Variants in DAB2IP observed in about 807,000 individuals in gnomAD.
DAB2IP encodes DAB2 interacting protein.
A neutral mutation model predicts 107.2 loss-of-function variants in DAB2IP; 28 were observed. The observed-to-expected ratio is 0.26, with a 90% CI of 0.19 to 0.36. The LOEUF is 0.36. Ranked by LOEUF, DAB2IP falls within the 10% of genes least tolerant of loss-of-function variation. The pLI, the probability that DAB2IP is intolerant of heterozygous loss-of-function variation, is 1.00. For missense variants in DAB2IP, 1,400 were observed against 1,644.7 expected (o/e 0.85, Z 2.57); for synonymous variants, 755 against 706.4 (o/e 1.07, Z -1.09).
chr9:121,663,266 C>T (rs141771325), intron 1 of DAB2IP, among the ~76,000 whole-genome samples: 75 of 152,296 alleles, frequency 4.9e-4, no homozygotes, highest in East Asian at 4.2e-3. Flanking sequence ...AGACTATTAA[C>T]GCGGCCAACC....
intron 6 of DAB2IP, among the ~76,000 whole-genome samples, chr9:121,761,042 A>G (rs868015677): frequency 6.6e-6 from 1 of 152,170 alleles, no homozygotes; most frequent in Non-Finnish European, 1.5e-5. Flanking sequence ...GTCCTAGTTC[A>G]GGGCCAGAGG....
At chr9:121,732,957 A>G (rs1256856108) in intron 3 of DAB2IP, among the ~76,000 whole-genome samples, 1 of 152,244 alleles carries the variant, frequency 6.6e-6, no homozygotes, top group Non-Finnish European at 1.5e-5. Context: ...CCACACAAGT[A>G]TAGATGTACT....
At chr9:121,646,807 C>T (rs1832556037), upstream of DAB2IP, among the ~76,000 whole-genome samples, 1 of 152,160 alleles carries the variant, frequency 6.6e-6, no homozygotes, top group Non-Finnish European at 1.5e-5. Flanking sequence ...CCCGTCTCTG[C>T]ATTCCGTACT....
chr9:121,755,409 C>A (rs551660954), intron 3 of DAB2IP, among the ~76,000 whole-genome samples: 1 of 152,234 alleles, frequency 6.6e-6, no homozygotes, highest in African/African-American at 2.4e-5. Context: ...AGGGTTCCCC[C>A]CTGTCTTGAA....
In DAB2IP at chr9:121,699,389, G is replaced by T. The variant is rs755669000; in HGVS notation, c.293G>T (p.Arg98Leu). The change falls in exon 3 of 16, where the codon CGC (arginine) becomes CTC (leucine). Residue 98 changes from arginine (R) to leucine (L), a missense_variant. Physicochemically the swap from Arg to Leu is moderately radical, Grantham distance 102 (BLOSUM62 -2). This residue lies in a region of DAB2IP where 283 missense variants were observed against 237.0 expected (regional missense o/e 1.19). Transcript: ENST00000408936. This position sits in a 1 kb window ranked among gnomAD's most constrained non-coding sequence, Gnocchi z 6.2. ...ACCAAGAGCCAGCCCAAGCTGGACC[G>T]CAACCACAGCTTCCGCCACATCCTG... 2 of 1,472,026 alleles carry T rather than the reference G, an allele frequency of 1.4e-6. No homozygotes were observed. The highest frequency in any genetic ancestry group is 2.5e-5 in the South Asian group (2 of 78,878). 91.2% of individuals were successfully genotyped at this position (1,472,026 alleles called of 1,614,324 possible).
intron 3 of DAB2IP, among the ~76,000 whole-genome samples, chr9:121,738,888 A>G (rs1449440422): frequency 6.6e-6 from 1 of 152,224 alleles, no homozygotes; most frequent in African/African-American, 2.4e-5. Flanking sequence ...TTGGCCACAC[A>G]CAGCTTACCT....
chr9:121,768,692 C>G, intron 10 of DAB2IP, 59 bp downstream of exon 10: 1 of 1,597,076 alleles, frequency 6.3e-7, no homozygotes, highest in Non-Finnish European at 8.5e-7. Context: ...TTTTAGTGTT[C>G]CCCCTTCCAG....
At chr9:121,656,131 C>G (rs1469530768) in intron 1 of DAB2IP, among the ~76,000 whole-genome samples, 1 of 152,090 alleles carries the variant, frequency 6.6e-6, no homozygotes, top group Non-Finnish European at 1.5e-5. Context: ...GCCTCAGCCT[C>G]CCGAGTAGCT....
intron 1 of DAB2IP, among the ~76,000 whole-genome samples, chr9:121,601,535 T>G (rs1042384171): frequency 1.3e-5 from 2 of 152,182 alleles, no homozygotes; most frequent in Non-Finnish European, 2.9e-5. Flanking sequence ...TCTCAATTAT[T>G]CACTGTGGTC....
At chr9:121,608,476 G>A (rs1482471559) in intron 1 of DAB2IP, among the ~76,000 whole-genome samples, 2 of 152,148 alleles carry the variant, frequency 1.3e-5, no homozygotes, top group Non-Finnish European at 1.5e-5. Flanking sequence ...TGAGGTCCCA[G>A]GGAGCAAAGG....
At chr9:121,620,646 T>TG (rs951712674) in intron 1 of DAB2IP, among the ~76,000 whole-genome samples, 6 of 152,096 alleles carry the variant, frequency 3.9e-5, no homozygotes, top group Admixed American at 6.6e-5. Context: ...CCAGCCACCC[T>TG]GGGGGGGTCC....
chr9:121,709,304 C>T (rs187918218), intron 3 of DAB2IP, among the ~76,000 whole-genome samples: 33 of 152,138 alleles, frequency 2.2e-4, no homozygotes, highest in African/African-American at 8.0e-4. Context: ...GGGCGGGGGA[C>T]GGAGATGCCT....
intron 1 of DAB2IP, among the ~76,000 whole-genome samples, chr9:121,604,003 G>A (rs1830780447): frequency 6.6e-6 from 1 of 152,128 alleles, no homozygotes; most frequent in Non-Finnish European, 1.5e-5. Context: ...AGGGGGACAG[G>A]TAGTGGAGGA....
At position 121,760,493 on chromosome 9, in the gene DAB2IP, C is replaced by T. The variant is rs1443115631; in HGVS notation, c.1170+54C>T. The T allele has an allele frequency of 6.7e-7, 1 of 1,499,358 alleles. No homozygotes were observed. The highest frequency in any genetic ancestry group is 1.4e-5 in the African/African-American group (1 of 72,284). 92.9% of individuals were successfully genotyped at this position (1,499,358 alleles called of 1,614,324 possible). On this transcript the variant is annotated intron_variant, in intron 6 of 15. Transcript: ENST00000408936. The surrounding 1 kb of genome is among the most constrained non-coding windows in gnomAD (Gnocchi z 5.9). ...CAGGCTGGGCGGCAGCACTGGGTTACCTGCCCTTCCTCACATCCGTACATT... is the reference window on the plus strand; with the variant it reads ...CAGGCTGGGCGGCAGCACTGGGTTATCTGCCCTTCCTCACATCCGTACATT...
chr9:121,752,021 T>C (rs1833153350), intron 3 of DAB2IP: 1 of 985,430 alleles, frequency 1.0e-6, no homozygotes, highest in Non-Finnish European at 1.2e-6. Flanking sequence ...GTCATGGGGC[T>C]AGTGATCTGC....
intron 1 of DAB2IP, among the ~76,000 whole-genome samples, chr9:121,627,131 A>ACACACACT (rs1246766469): frequency 2.0e-4 from 12 of 59,226 alleles, no homozygotes; most frequent in African/African-American, 6.3e-4. Flanking sequence ...ACACACACAC[A>ACACACACT]CACACACACT....
In DAB2IP at chr9:121,765,492, G is replaced by A. The variant is rs187393663; in HGVS notation, c.1461-1002G>A. Among the ~76,000 whole-genome samples, 744 of 152,350 alleles carry A rather than the reference G, an allele frequency of 4.9e-3. 3 individuals are homozygous for A. The highest frequency in any genetic ancestry group is 8.0e-3 in the Non-Finnish European group (543 of 68,034). Reference sequence around the variant, plus strand: ...GCTGAGCAGGCTGCTGGGCCTGTGGGGGAAGAAATTTCAAGTTGGTCAAGC... The same window carrying A: ...GCTGAGCAGGCTGCTGGGCCTGTGGAGGAAGAAATTTCAAGTTGGTCAAGC... On this transcript the variant is annotated intron_variant, in intron 8 of 15. Coordinates refer to ENST00000408936, the Ensembl canonical transcript of DAB2IP.
intron 1 of DAB2IP, among the ~76,000 whole-genome samples, chr9:121,611,256 G>C: frequency 6.6e-6 from 1 of 152,208 alleles, no homozygotes; most frequent in East Asian, 1.9e-4. Context: ...TTACAGGCAT[G>C]AGCTGCCATG....
chr9:121,763,153 C>T (rs913495344), intron 6 of DAB2IP, among the ~76,000 whole-genome samples: 24 of 152,204 alleles, frequency 1.6e-4, no homozygotes, highest in African/African-American at 2.4e-4. Flanking sequence ...GCGAGTCCTG[C>T]TGTGGTCACC....
Sources: allele counts gnomAD v4.1 joint callset (sites outside exome capture counted in the v4.1 genomes callset), GRCh38; gene constraint gnomAD v4.1.1; regional missense constraint gnomAD v4.1.1; non-coding constraint Gnocchi (gnomAD v3.1); transcripts MANE v1.5; gene names NCBI Gene and HGNC (gene_info 2026-07-23, HGNC 2026-07-21).